The following MYO1E variants were observed in gnomAD, a reference collection of about 807,000 sequenced individuals.
The protein encoded by MYO1E is unconventional myosin-Ie.
MYO1E carries 68 observed loss-of-function variants against 151.1 expected under a neutral mutation model. The observed-to-expected ratio is 0.45, with a 90% CI of 0.37 to 0.55. MYO1E has a LOEUF of 0.55. Among genes scored for constraint, MYO1E ranks in the 20% least tolerant of loss-of-function variants. The pLI is 0.00. For missense variants in MYO1E, 1,363 were observed against 1,389.3 expected, an observed-to-expected ratio of 0.98 and a Z score of 0.30; for synonymous variants, 601 against 501.7, an observed-to-expected ratio of 1.20 and a Z score of -2.64.
At chr15:59,253,144 A>G (rs2080174683) in intron 4 of MYO1E, among the ~76,000 whole-genome samples, 1 of 152,252 alleles carries the variant, frequency 6.6e-6, no homozygotes. Context: ...TTTGAGTAAT[A>G]CTGAAAATAA....
intron 26 of MYO1E, among the ~76,000 whole-genome samples, chr15:59,151,583 C>A (rs1282689927): frequency 6.6e-6 from 1 of 152,206 alleles, no homozygotes; most frequent in Non-Finnish European, 1.5e-5. Flanking sequence ...TAGAAGGAAG[C>A]TGCCAAGGCA....
rs374988950 is a variant in MYO1E at position 59,227,491 on chromosome 15, G to A, written c.610C>T (p.Pro204Ser). The A allele has an allele frequency of 1.2e-6, 2 of 1,614,112 alleles. No individual in the cohort carries two copies. Among genetic ancestry groups the A allele is most frequent in the South Asian group, 1.1e-5 (1 of 91,082 alleles). ...LEKSRVVMRN[P>S]GERSFHIFYQ... ...AATATGTGAAAACTCCGCTCTCCTG[G>A]GTTCCTCATCACCACCCTAGATTTT... is the stretch of plus-strand genomic sequence containing the variant. The change falls in exon 7 of 28, where the codon CCA becomes TCA. Residue 204 changes from proline to serine, a missense_variant. Physicochemically the swap from Pro to Ser is moderately conservative, Grantham distance 74 (BLOSUM62 -1). Coordinates refer to ENST00000288235, the MANE Select transcript of MYO1E (RefSeq NM_004998.4).
At chr15:59,322,649 A>G (rs1001039922) in intron 1 of MYO1E, among the ~76,000 whole-genome samples, 6 of 152,230 alleles carry the variant, frequency 3.9e-5, no homozygotes, top group Non-Finnish European at 7.3e-5. Flanking sequence ...TTTTAAAAGC[A>G]TAAGTGGCTC....
chr15:59,228,630 T>C (rs1488895756), intron 6 of MYO1E, among the ~76,000 whole-genome samples: 1 of 151,816 alleles, frequency 6.6e-6, no homozygotes, highest in East Asian at 1.9e-4. Flanking sequence ...GAAGGGTAAA[T>C]ACGGATAAAG....
At position 59,343,729 on chromosome 15, in the gene MYO1E, TTTTCAAA is replaced by T. The variant is rs2080778490; in HGVS notation, c.3+28762_3+28768del. On this transcript the variant is annotated intron_variant, in intron 1 of 27. Transcript: ENST00000288235. Reference sequence around the variant, plus strand: ...TTCTTTTGTCTCCTCTGACTGTGTATTTTCAAATAGTCTGTCTTCAAGCTCACTAATT... The same window carrying T: ...TTCTTTTGTCTCCTCTGACTGTGTATTAGTCTGTCTTCAAGCTCACTAATT... 5.3e-5 allele frequency among the ~76,000 whole-genome samples: 8 copies of T among 152,206 alleles called. No individual in the cohort carries two copies. In the South Asian group the frequency reaches 1.7e-3, roughly 32 times the overall value.
chr15:59,246,177 G>A (rs1355019734), intron 4 of MYO1E, among the ~76,000 whole-genome samples: 1 of 151,892 alleles, frequency 6.6e-6, no homozygotes, highest in African/African-American at 2.4e-5. Flanking sequence ...GAGTGCAGTG[G>A]TGCCATCTTG....
At chr15:59,152,712 G>A (rs2079488939) in intron 26 of MYO1E, among the ~76,000 whole-genome samples, 1 of 152,146 alleles carries the variant, frequency 6.6e-6, no homozygotes, top group South Asian at 2.1e-4. Context: ...GCTTAGACAA[G>A]GAAACTGAAG....
intron 1 of MYO1E, among the ~76,000 whole-genome samples, chr15:59,356,998 C>T (rs963596680): frequency 1.8e-4 from 28 of 152,012 alleles, no homozygotes; most frequent in Non-Finnish European, 3.7e-4. Context: ...CTCCACCTCC[C>T]GGGTTCAAGC....
At chr15:59,240,986 C>T (rs1420182971) in intron 4 of MYO1E, among the ~76,000 whole-genome samples, 1 of 152,226 alleles carries the variant, frequency 6.6e-6, no homozygotes, top group Non-Finnish European at 1.5e-5. Flanking sequence ...CTATTAATAA[C>T]ACAGTGGAGA....
At chr15:59,153,481 T>A in intron 26 of MYO1E, 109 bp downstream of exon 26, 1 of 1,280,308 alleles carries the variant, frequency 7.8e-7, no homozygotes, top group Non-Finnish European at 1.1e-6. Flanking sequence ...GGTGGAAAAC[T>A]AAACCTTAGA....
chr15:59,353,403 GA>G (rs1209156166), intron 1 of MYO1E, among the ~76,000 whole-genome samples: 118 of 133,790 alleles, frequency 8.8e-4, no homozygotes, highest in African/African-American at 3.0e-3. Flanking sequence ...AGAAAAAAAA[GA>G]AAAAAAAATC....
chr15:59,171,764 A>G (rs2079596082), intron 22 of MYO1E, 133 bp downstream of exon 22: 1 of 1,186,092 alleles, frequency 8.4e-7, no homozygotes, highest in South Asian at 1.3e-5. Context: ...GGACAAAGGG[A>G]AATTCCATTC....
At chr15:59,371,557 G>A (rs2080944698) in intron 1 of MYO1E, among the ~76,000 whole-genome samples, 1 of 152,084 alleles carries the variant, frequency 6.6e-6, no homozygotes, top group African/African-American at 2.4e-5. Context: ...CAGGGAGGGA[G>A]GGGAGTGTAG....
At chr15:59,224,186 C>A (rs1254274124) in intron 8 of MYO1E, among the ~76,000 whole-genome samples, 1 of 152,172 alleles carries the variant, frequency 6.6e-6, no homozygotes, top group Admixed American at 6.5e-5. Context: ...CAGCTTGGAC[C>A]ATAACATACA....
At chr15:59,269,542 A>T (rs12443328) in intron 2 of MYO1E, among the ~76,000 whole-genome samples, 1 of 152,132 alleles carries the variant, frequency 6.6e-6, no homozygotes, top group South Asian at 2.1e-4. Context: ...GCAACTGAAC[A>T]TAACTGTTTT....
At chr15:59,341,652 C>T (rs913338282) in intron 1 of MYO1E, among the ~76,000 whole-genome samples, 4 of 152,164 alleles carry the variant, frequency 2.6e-5, no homozygotes, top group African/African-American at 9.7e-5. Flanking sequence ...CAGTTCCATT[C>T]ATATTCTTGC....
intron 3 of MYO1E, among the ~76,000 whole-genome samples, chr15:59,260,191 A>G (rs1361502456): frequency 2.0e-5 from 3 of 152,242 alleles, no homozygotes; most frequent in African/African-American, 7.2e-5. Context: ...CATGCACAGC[A>G]CTACCATCTA....
chr15:59,360,195 C>T (rs2080877450), intron 1 of MYO1E, among the ~76,000 whole-genome samples: 1 of 152,138 alleles, frequency 6.6e-6, no homozygotes. Flanking sequence ...GAATTTTTCA[C>T]GTCCTGTACA....
At chr15:59,268,916 G>A (rs1005854447) in intron 2 of MYO1E, among the ~76,000 whole-genome samples, 4 of 151,316 alleles carry the variant, frequency 2.6e-5, no homozygotes, top group African/African-American at 4.9e-5. Flanking sequence ...GACTGACTAC[G>A]GACATCATTT....
Sources: gnomAD v4.1 joint callset for allele counts (sites outside exome capture counted in the v4.1 genomes callset) on GRCh38, gnomAD v4.1.1 for gene constraint, MANE v1.5 for transcripts, NCBI Gene and HGNC (gene_info 2026-07-23, HGNC 2026-07-21) for gene names.